Variants in WDFY4 observed in about 807,000 individuals in gnomAD.
WDFY4 encodes the protein WDFY family member 4, also known as WD repeat- and FYVE domain-containing protein 4.
Under a neutral mutation model 351.9 loss-of-function variants are expected in WDFY4, and 169 were observed. That is an observed-to-expected ratio of 0.48 (90% CI 0.42 to 0.55). The LOEUF (loss-of-function observed/expected upper bound fraction) is 0.55. Among genes scored for constraint, WDFY4 ranks in the 20% least tolerant of loss-of-function variants. The pLI, the probability that WDFY4 is intolerant of heterozygous loss-of-function variation, is 0.00. For missense variants in WDFY4, 3,803 were observed against 3,935.6 expected (o/e 0.97, Z 0.90); for synonymous variants, 1,622 against 1,574.6 (o/e 1.03, Z -0.71).
chr10:48,734,638 A>T (rs2064587974), intron 10 of WDFY4, among the ~76,000 whole-genome samples: 1 of 151,974 alleles, frequency 6.6e-6, no homozygotes, highest in Middle Eastern at 3.2e-3. Context: ...TAATGTAAAA[A>T]ATTATTTCAT....
At chr10:48,968,788 G>T (rs1359261661) in intron 55 of WDFY4, 3 of 447,836 alleles carry the variant, frequency 6.7e-6, no homozygotes, top group African/African-American at 3.9e-5. Context: ...GGGGCTGGGG[G>T]TGGCTCCCAG....
intron 1 of WDFY4, among the ~76,000 whole-genome samples, chr10:48,708,472 G>A (rs2063689146): frequency 1.3e-5 from 2 of 152,122 alleles, no homozygotes; most frequent in South Asian, 4.1e-4. Flanking sequence ...CTGGGCACCC[G>A]GATGGCTTCC....
Position 48,731,519 on chromosome 10 carries a change from A to G in WDFY4, c.1539A>G (p.Leu513=), listed in dbSNP as rs1291331313. 12 of 1,551,284 alleles carry G rather than the reference A, an allele frequency of 7.7e-6. No individual in the cohort carries two copies. Among genetic ancestry groups the G allele is most frequent in the Non-Finnish European group, 1.0e-5 (12 of 1,146,962 alleles). ...GGGACTCAGGGCTCCTGGGCCTGCT[A>G]CTGGCACAGCTTCGGAAGCAAGCCA... The part of the protein sequence containing the change: ...IFRDSGLLGL[L]LAQLRKQAKI... Residue 513 remains leucine, a synonymous_variant, in exon 9 of 62, where the codon CTA becomes CTG. Transcript: ENST00000325239.
intron 1 of WDFY4, among the ~76,000 whole-genome samples, chr10:48,697,463 C>T (rs1017168364): frequency 6.6e-6 from 1 of 152,204 alleles, no homozygotes; most frequent in Admixed American, 6.5e-5. Context: ...GTTGGGGAAC[C>T]CGGCCTCCAA....
chr10:48,884,475 C>G (rs1049238204), intron 43 of WDFY4: 1 of 152,164 alleles, frequency 6.6e-6, no homozygotes, highest in Admixed American at 6.5e-5. Flanking sequence ...TACACATGCG[C>G]ATAAACACAC....
chr10:48,841,444 C>G (rs2068603576), intron 39 of WDFY4, among the ~76,000 whole-genome samples: 1 of 151,258 alleles, frequency 6.6e-6, no homozygotes, highest in African/African-American at 2.4e-5. Context: ...CTTAAATTCT[C>G]TAGCTGAGCT....
At chr10:48,748,593 T>C (rs918792527) in intron 12 of WDFY4, among the ~76,000 whole-genome samples, 7 of 152,250 alleles carry the variant, frequency 4.6e-5, no homozygotes, top group African/African-American at 1.4e-4. Context: ...TCAGTCCTGA[T>C]GTTTTAGAGG....
chr10:48,838,197 C>T (rs1436871275), intron 39 of WDFY4, among the ~76,000 whole-genome samples: 2 of 152,170 alleles, frequency 1.3e-5, no homozygotes, highest in Non-Finnish European at 2.9e-5. Flanking sequence ...TCTACATCTG[C>T]CCTGGCAAGG....
chr10:48,901,969 C>CT (rs1837378547), intron 47 of WDFY4, 106 bp downstream of exon 47: 42 of 1,011,852 alleles, frequency 4.2e-5, no homozygotes, highest in Non-Finnish European at 5.7e-5. Context: ...GCATGCCCAA[C>CT]AGTTTCCCTC....
At chr10:48,772,661 G>C (rs1317190983) in intron 13 of WDFY4, among the ~76,000 whole-genome samples, 1 of 147,654 alleles carries the variant, frequency 6.8e-6, no homozygotes, top group Non-Finnish European at 1.5e-5. Context: ...TCGTCATCTA[G>C]CATTAGGTAT....
intron 32 of WDFY4, 77 bp from the exon 33 acceptor site, chr10:48,820,157 A>G (rs1277422384): frequency 1.4e-6 from 2 of 1,474,796 alleles, no homozygotes; most frequent in Non-Finnish European, 1.9e-6. Context: ...TAATCCGCCC[A>G]TGTACATGGC....
intron 46 of WDFY4, among the ~76,000 whole-genome samples, chr10:48,901,084 A>G (rs1237125795): frequency 6.6e-6 from 1 of 152,166 alleles, no homozygotes; most frequent in Admixed American, 6.5e-5. Context: ...GGCCCTGTGG[A>G]ACTGGCACCC....
intron 39 of WDFY4, among the ~76,000 whole-genome samples, chr10:48,842,276 A>C (rs150173859): frequency 0.011 from 1,620 of 151,876 alleles, 28 homozygotes; most frequent in African/African-American, 0.037. Flanking sequence ...TGGGTGCGGG[A>C]AGCTATCCTG....
chr10:48,977,201 C>G (rs1320115729), intron 59 of WDFY4: 1 of 345,650 alleles, frequency 2.9e-6, no homozygotes, highest in African/African-American at 2.1e-5. Flanking sequence ...CACATGCACA[C>G]ACACACAGAC....
intron 12 of WDFY4, among the ~76,000 whole-genome samples, chr10:48,756,677 T>C (rs968665802): frequency 1.3e-5 from 2 of 152,144 alleles, no homozygotes; most frequent in African/African-American, 4.8e-5. Flanking sequence ...TGAGCAGATT[T>C]TTAATCTTTC....
At chr10:48,815,260 G>T (rs1195099077) in intron 31 of WDFY4, among the ~76,000 whole-genome samples, 1 of 152,156 alleles carries the variant, frequency 6.6e-6, no homozygotes, top group Non-Finnish European at 1.5e-5. Flanking sequence ...ACTGATGATG[G>T]CTTCATAGTT....
chr10:48,974,214 A>G (rs1217570611), intron 57 of WDFY4, among the ~76,000 whole-genome samples: 1 of 152,122 alleles, frequency 6.6e-6, no homozygotes, highest in Non-Finnish European at 1.5e-5. Flanking sequence ...TAATCGTAAC[A>G]TGAACTGGCC....
intron 42 of WDFY4, among the ~76,000 whole-genome samples, chr10:48,876,112 G>C (rs1236996932): frequency 6.6e-6 from 1 of 152,178 alleles, no homozygotes; most frequent in African/African-American, 2.4e-5. Flanking sequence ...GGTATTTCCA[G>C]TATGCACCCT....
chr10:48,740,960 C>T (rs1247839306), intron 11 of WDFY4, among the ~76,000 whole-genome samples: 1 of 152,178 alleles, frequency 6.6e-6, no homozygotes, highest in East Asian at 1.9e-4. Flanking sequence ...TTCTACCTCA[C>T]TTTATGTTAT....
Sources: gnomAD v4.1 joint callset for allele counts (sites outside exome capture counted in the v4.1 genomes callset) on GRCh38, gnomAD v4.1.1 for gene constraint, MANE v1.5 for transcripts, NCBI Gene and HGNC (gene_info 2026-07-23, HGNC 2026-07-21) for gene names.